HERC2: variants seen among roughly 807,000 people sequenced by gnomAD.
The protein encoded by HERC2 is E3 ubiquitin-protein ligase HERC2.
A neutral mutation model predicts 537.7 loss-of-function variants in HERC2; 102 were observed. The observed-to-expected ratio is 0.19, with a 90% CI of 0.16 to 0.22. HERC2 has a LOEUF of 0.22. Ranked by LOEUF, HERC2 falls within the 10% of genes least tolerant of loss-of-function variation. The pLI, the probability that HERC2 is intolerant of heterozygous loss-of-function variation, is 1.00. For synonymous variants in HERC2, 2,224 were observed against 2,466.2 expected (o/e 0.90, Z 2.91); for missense variants, 4,236 against 6,198.2 (o/e 0.68, Z 10.63).
chr15:28,131,422 C>G (rs921068354), intron 81 of HERC2, among the ~76,000 whole-genome samples: 3 of 152,212 alleles, frequency 2.0e-5, no homozygotes, highest in African/African-American at 2.4e-5. Flanking sequence ...CAGCAACAGG[C>G]TCCCAAGTAC....
intron 57 of HERC2, among the ~76,000 whole-genome samples, chr15:28,180,702 G>A (rs188293855): frequency 2.1e-4 from 32 of 152,266 alleles, no homozygotes; most frequent in Admixed American, 1.4e-3. Flanking sequence ...TAGGTTCCAC[G>A]TCCATGAATT....
chr15:28,293,409 C>T (rs867532432), intron 3 of HERC2, among the ~76,000 whole-genome samples: 25 of 147,874 alleles, frequency 1.7e-4, no homozygotes, highest in African/African-American at 4.0e-4. Flanking sequence ...AGGAGAATGG[C>T]GTGAACCCGG....
Position 28,122,345 on chromosome 15 carries a change from C to T in HERC2, c.13189-916G>A, listed in dbSNP as rs146961430. Among the ~76,000 whole-genome samples the T allele has an allele frequency of 2.5e-4, 38 of 152,316 alleles. No individual in the cohort carries two copies. Among genetic ancestry groups the T allele is most frequent in the African/African-American group, 8.9e-4 (37 of 41,568 alleles). On this transcript the variant is annotated intron_variant, in intron 85 of 92. Transcript: ENST00000261609. The surrounding 1 kb of genome is among the most constrained non-coding windows in gnomAD (Gnocchi z 4.1). ...GTCTCAGCTCTCTTGGCCAAGGAGG[C>T]AATCGTGCCTTCTTTCGGTTAGGGG...
intron 78 of HERC2, among the ~76,000 whole-genome samples, chr15:28,136,481 C>A (rs1415151432): frequency 6.6e-6 from 1 of 152,252 alleles, no homozygotes; most frequent in Non-Finnish European, 1.5e-5. Context: ...CCTCCCAGGA[C>A]TTCCTATAGA....
intron 56 of HERC2, among the ~76,000 whole-genome samples, chr15:28,186,102 C>T (rs942962507): frequency 1.3e-5 from 2 of 151,986 alleles, no homozygotes; most frequent in Non-Finnish European, 2.9e-5. Context: ...GATGGTTGCA[C>T]AAAAATATGA....
chr15:28,147,032 C>G (rs1265493585), intron 70 of HERC2, among the ~76,000 whole-genome samples: 2 of 139,196 alleles, frequency 1.4e-5, no homozygotes, highest in South Asian at 2.4e-4. Context: ...TCTGGGGGGG[C>G]CGCAGGAGGT....
At chr15:28,158,622 A>G (rs904782037) in intron 69 of HERC2, among the ~76,000 whole-genome samples, 1 of 151,906 alleles carries the variant, frequency 6.6e-6, no homozygotes, top group Non-Finnish European at 1.5e-5. Flanking sequence ...TTTTGAGCCT[A>G]TGTGTGTCTC....
chr15:28,314,155 A>G (rs1457521639), intron 2 of HERC2, among the ~76,000 whole-genome samples: 1 of 152,226 alleles, frequency 6.6e-6, no homozygotes, highest in Non-Finnish European at 1.5e-5. Flanking sequence ...TATTGCATAT[A>G]CAATATCTGA....
intron 15 of HERC2, 44 bp from the exon 16 acceptor site, chr15:28,261,014 T>G: frequency 6.9e-7 from 1 of 1,454,872 alleles, no homozygotes; most frequent in South Asian, 1.2e-5. Context: ...AGCCTATGAC[T>G]TCCGCTGCAA....
At chr15:28,143,457 A>T (rs986518390) in intron 74 of HERC2, among the ~76,000 whole-genome samples, 10 of 151,598 alleles carry the variant, frequency 6.6e-5, no homozygotes, top group African/African-American at 9.7e-5. Flanking sequence ...TCATTTATTT[A>T]TTTTTTTTGA....
chr15:28,187,684 C>T (rs1462839595), intron 55 of HERC2, among the ~76,000 whole-genome samples: 1 of 152,174 alleles, frequency 6.6e-6, no homozygotes, highest in African/African-American at 2.4e-5. Context: ...TATCATAGCA[C>T]AAACAATAAC....
chr15:28,195,137 G>C (rs1897233445), intron 52 of HERC2, among the ~76,000 whole-genome samples: 1 of 151,990 alleles, frequency 6.6e-6, no homozygotes, highest in Admixed American at 6.6e-5. Context: ...TAAGGTTTTT[G>C]CATTGTTTAG....
chr15:28,235,127 C>A lies in HERC2; in HGVS notation c.4004-843G>T, dbSNP rs551526850. ...CTGCTCCAAATCCAAGCAATCAAAG[C>A]GGGATGCACTTAGTGTTCTTTTACT... On this transcript the variant is annotated intron_variant, in intron 26 of 92. Transcript: ENST00000261609. Among the ~76,000 whole-genome samples the A allele has an allele frequency of 3.6e-3, 542 of 152,050 alleles. 6 individuals carry two copies. Among genetic ancestry groups the A allele is most frequent in the African/African-American group, 0.012 (516 of 41,424 alleles).
At chr15:28,156,876 T>C (rs1271605916) in intron 69 of HERC2, among the ~76,000 whole-genome samples, 3 of 152,206 alleles carry the variant, frequency 2.0e-5, no homozygotes, top group African/African-American at 4.8e-5. Flanking sequence ...CAGTATGATA[T>C]TGGCTGTGGG....
chr15:28,181,659 C>T, intron 57 of HERC2, among the ~76,000 whole-genome samples: 1 of 152,198 alleles, frequency 6.6e-6, no homozygotes, highest in East Asian at 1.9e-4. Flanking sequence ...CCAGGAGACA[C>T]TAAGTAATAC....
intron 4 of HERC2, among the ~76,000 whole-genome samples, chr15:28,290,967 G>A (rs1039294669): frequency 2.0e-5 from 3 of 152,024 alleles, no homozygotes; most frequent in Non-Finnish European, 4.4e-5. Context: ...ATAATAAAGA[G>A]TAAAGCAGAA....
In HERC2 at chr15:28,251,475, T is replaced by TA. The variant is rs60222071; in HGVS notation, c.3051-2740dup. ...AAAAATTGTCCTTAGTCACATTAAG[T>TA]AAAAAAAAAAAACAAAAAAACACAT... On this transcript the variant is annotated intron_variant, in intron 20 of 92. Coordinates refer to ENST00000261609, the MANE Select transcript of HERC2 (RefSeq NM_004667.6). Among the ~76,000 whole-genome samples, 386 of 131,278 alleles carry TA rather than the reference T, an allele frequency of 2.9e-3. 1 individual carries two copies. Among genetic ancestry groups the TA allele is most frequent in the African/African-American group, 4.9e-3 (188 of 38,264 alleles). 86.1% of individuals were successfully genotyped at this position (131,278 alleles called of 152,430 possible).
intron 89 of HERC2, 32 bp downstream of exon 89, chr15:28,115,397 T>C: frequency 6.7e-7 from 1 of 1,494,630 alleles, no homozygotes; most frequent in Non-Finnish European, 9.3e-7. Context: ...AACAAGACCC[T>C]AGAGGCCCCG....
intron 70 of HERC2, among the ~76,000 whole-genome samples, chr15:28,146,762 CA>C (rs2142287195): frequency 6.8e-6 from 1 of 147,378 alleles, no homozygotes; most frequent in East Asian, 1.9e-4. Flanking sequence ...CTGGCGTGTC[CA>C]GAGAACTGGA....
Sources: allele counts gnomAD v4.1 joint callset (sites outside exome capture counted in the v4.1 genomes callset), GRCh38; gene constraint gnomAD v4.1.1; non-coding constraint Gnocchi (gnomAD v3.1); transcripts MANE v1.5; gene names NCBI Gene and HGNC (gene_info 2026-07-23, HGNC 2026-07-21).